Variants in JARID2 observed in about 807,000 individuals in gnomAD.
JARID2 encodes the protein jumonji and AT-rich interaction domain containing 2.
In JARID2, 21 loss-of-function variants were observed where a neutral mutation model predicts 125.6. The ratio of observed to expected loss-of-function variants is 0.17; its 90% CI spans 0.12 to 0.24. The LOEUF (loss-of-function observed/expected upper bound fraction) is 0.24. JARID2 is among the 10% of genes least tolerant of loss of function. The probability of loss-of-function intolerance (pLI) is 1.00; values close to 1 mark genes in which losing one functional copy is unlikely to be tolerated. For missense variants in JARID2, 1,303 were observed against 1,639.6 expected (o/e 0.79, Z 3.55); for synonymous variants, 736 against 661.6 (o/e 1.11, Z -1.73).
At position 15,512,276 on chromosome 6, in the gene JARID2, T is replaced by C. The variant is rs767347887; in HGVS notation, c.3021T>C (p.Phe1007=). Residue 1007 remains phenylalanine (F), a synonymous_variant, in exon 14 of 18, where the codon TTT becomes TTC. Coordinates refer to ENST00000341776, the MANE Select transcript of JARID2 (RefSeq NM_004973.4). ...GGACCGTGCAGCAGAGTGGCCAGTT[T>C]GTCGTCTGCTTCCCGGGATCCTTTG... ...VHRTVQQSGQ[F]VVCFPGSFVS... The C allele has an allele frequency of 4.3e-6, 7 of 1,614,028 alleles. No individual in the cohort carries two copies. In the African/African-American group the frequency reaches 8.0e-5, roughly 18 times the overall value.
At chr6:15,260,857 G>T (rs147694263) in intron 1 of JARID2, among the ~76,000 whole-genome samples, 1 of 152,272 alleles carries the variant, frequency 6.6e-6, no homozygotes, top group African/African-American at 2.4e-5. Flanking sequence ...TGTACTCCTT[G>T]CTCTAATTAA....
intron 1 of JARID2, among the ~76,000 whole-genome samples, chr6:15,249,459 A>G (rs910870339): frequency 2.0e-5 from 3 of 152,210 alleles, no homozygotes; most frequent in African/African-American, 7.2e-5. Context: ...TTAAGTCTCA[A>G]GGTGCTCTGG....
chr6:15,511,337 T>G lies in JARID2; in HGVS notation c.2888T>G (p.Val963Gly). 1 of 1,614,026 alleles carries G rather than the reference T, an allele frequency of 6.2e-7. No individual in the cohort carries two copies. The highest frequency in any genetic ancestry group is 8.5e-7 in the Non-Finnish European group (1 of 1,179,960). The change falls in exon 13 of 18, where the codon GTG becomes GGG. Residue 963 changes from valine to glycine, a missense_variant. By Grantham distance (109) the Val-to-Gly change is moderately radical. Around this residue, in one of 11 missense-constraint regions of JARID2, gnomAD observed 190 missense variants for 341.4 expected, o/e 0.56. Coordinates refer to ENST00000341776, the MANE Select transcript of JARID2 (RefSeq NM_004973.4). ...PAEEENKLED[V>G]VHTLLQANGT... ...GAGGAGGAGAACAAGCTGGAAGATG[T>G]GGTCCACACCCTGCTGCAAGCCAAT... is the stretch of plus-strand genomic sequence containing the variant.
intron 3 of JARID2, among the ~76,000 whole-genome samples, chr6:15,417,365 C>T (rs1318000655): frequency 6.6e-6 from 1 of 152,190 alleles, no homozygotes; most frequent in South Asian, 2.1e-4. Flanking sequence ...CCTTAGTTCT[C>T]TCATCTGAAA....
intron 1 of JARID2, among the ~76,000 whole-genome samples, chr6:15,366,353 C>A (rs1763973115): frequency 6.6e-6 from 1 of 151,766 alleles, no homozygotes; most frequent in Non-Finnish European, 1.5e-5. Flanking sequence ...CTCTGTACGG[C>A]TGTTGTTCAG....
intron 1 of JARID2, among the ~76,000 whole-genome samples, chr6:15,255,138 CTT>C (rs753848936): frequency 2.8e-4 from 34 of 121,186 alleles, no homozygotes; most frequent in African/African-American, 5.7e-4. Flanking sequence ...ACTAGGAATT[CTT>C]TTTTTTTTTT....
chr6:15,516,278 C>T (rs186337600), intron 16 of JARID2, among the ~76,000 whole-genome samples: 2 of 152,358 alleles, frequency 1.3e-5, no homozygotes, highest in East Asian at 1.9e-4. Context: ...TATGACTCTT[C>T]TCCTCTTGAG....
At chr6:15,383,290 A>G (rs896687286) in intron 2 of JARID2, among the ~76,000 whole-genome samples, 4 of 138,050 alleles carry the variant, frequency 2.9e-5, no homozygotes, top group Non-Finnish European at 4.6e-5. Flanking sequence ...ATGTATCATC[A>G]TGCCCAGGTT....
chr6:15,311,151 T>G (rs1581398388), intron 1 of JARID2, among the ~76,000 whole-genome samples: 1 of 152,038 alleles, frequency 6.6e-6, no homozygotes. Context: ...ACAGTAGGAG[T>G]TGGGATCTTA....
intron 1 of JARID2, among the ~76,000 whole-genome samples, chr6:15,288,415 T>C (rs1043891565): frequency 1.1e-4 from 16 of 152,204 alleles, no homozygotes; most frequent in Non-Finnish European, 1.8e-4. Context: ...TCCACCCCTA[T>C]GACCCAGACA....
chr6:15,512,229 A>G lies in JARID2; in HGVS notation c.2974A>G (p.Lys992Glu), dbSNP rs748338100. 5 of 1,614,002 alleles carry G rather than the reference A, an allele frequency of 3.1e-6. No homozygotes were observed. Among genetic ancestry groups the G allele is most frequent in the Admixed American group, 1.7e-5 (1 of 59,994 alleles). The change falls in exon 14 of 18, where the codon AAA becomes GAA. Residue 992 changes from lysine (K) to glutamate (E), a missense_variant. By Grantham distance (56) the Lys-to-Glu change is moderately conservative (BLOSUM62 1). This residue lies in a region of JARID2 where 190 missense variants were observed against 341.4 expected (regional missense o/e 0.56). Coordinates refer to ENST00000341776, the MANE Select transcript of JARID2 (RefSeq NM_004973.4). Reference sequence around the variant, plus strand: ...CCAGATCTCCCCGGAGGTGCTGTGCAAAGAGGGGATCAAGGTGCACAGGAC... The same window carrying G: ...CCAGATCTCCCCGGAGGTGCTGTGCGAAGAGGGGATCAAGGTGCACAGGAC... ...NVMISPEVLCKEGIKVHRTVQ... is the reference protein window; with the variant it reads ...NVMISPEVLCEEGIKVHRTVQ...
intron 3 of JARID2, among the ~76,000 whole-genome samples, chr6:15,445,358 T>C (rs1767629452): frequency 6.6e-6 from 1 of 152,248 alleles, no homozygotes; most frequent in Non-Finnish European, 1.5e-5. Context: ...TTAGTGTGTA[T>C]CTTGCTGTGC....
chr6:15,400,957 G>A, intron 2 of JARID2: 1 of 1,289,496 alleles, frequency 7.8e-7, no homozygotes, highest in Middle Eastern at 2.1e-4. Context: ...GAGGATGGCT[G>A]CTCCACGGGT....
In JARID2 at chr6:15,481,795, A is replaced by G. The variant is rs139051333; in HGVS notation, c.671-5512A>G. 8.5e-5 allele frequency among the ~76,000 whole-genome samples: 13 copies of G among 152,258 alleles called. No homozygotes were observed. The East Asian group carries it at 2.5e-3, about 29-fold the overall frequency. On this transcript the variant is annotated intron_variant, in intron 5 of 17. Transcript: ENST00000341776. Reference sequence around the variant, plus strand: ...GAAAGTTAATTTGATTCAGTTTTTAATTTCCGTATGTTTGAAAACTCTTCC... The same window carrying G: ...GAAAGTTAATTTGATTCAGTTTTTAGTTTCCGTATGTTTGAAAACTCTTCC...
intron 5 of JARID2, among the ~76,000 whole-genome samples, chr6:15,478,272 C>G (rs1769445867): frequency 6.6e-6 from 1 of 152,194 alleles, no homozygotes; most frequent in Admixed American, 6.5e-5. Context: ...GATTATTTAG[C>G]CTCTTTAAGC....
intron 3 of JARID2, among the ~76,000 whole-genome samples, chr6:15,431,206 G>A (rs1461214322): frequency 2.6e-5 from 4 of 152,154 alleles, no homozygotes; most frequent in Non-Finnish European, 4.4e-5. Flanking sequence ...GATAAATAGA[G>A]CCCTTACAGA....
chr6:15,330,568 T>C (rs1021166590), intron 1 of JARID2, among the ~76,000 whole-genome samples: 2 of 152,262 alleles, frequency 1.3e-5, no homozygotes, highest in African/African-American at 4.8e-5. Context: ...GATTAGTGCC[T>C]GGTGTTTATT....
chr6:15,452,285 C>A, intron 4 of JARID2, 110 bp downstream of exon 4: 2 of 1,448,642 alleles, frequency 1.4e-6, no homozygotes. Context: ...TTTTCTGTCC[C>A]CAACCTGGGT....
intron 1 of JARID2, among the ~76,000 whole-genome samples, chr6:15,349,300 A>G (rs1347548917): frequency 1.3e-5 from 2 of 152,124 alleles, no homozygotes; most frequent in East Asian, 3.8e-4. Flanking sequence ...TTCCATCTGG[A>G]TGGAATTTTG....
Sources: allele counts gnomAD v4.1 joint callset (sites outside exome capture counted in the v4.1 genomes callset), GRCh38; gene constraint gnomAD v4.1.1; regional missense constraint gnomAD v4.1.1; transcripts MANE v1.5; gene names NCBI Gene and HGNC (gene_info 2026-07-23, HGNC 2026-07-21).